Variants in LRP2 observed in about 807,000 individuals in gnomAD.
LRP2 encodes the protein LDL receptor related protein 2.
A neutral mutation model predicts 531.0 loss-of-function variants in LRP2; 172 were observed. The observed-to-expected ratio is 0.32, with a 90% CI of 0.29 to 0.37. The LOEUF (loss-of-function observed/expected upper bound fraction) is 0.37, where lower values mean the gene tolerates loss of function less well. Among genes scored for constraint, LRP2 ranks in the 10% least tolerant of loss-of-function variants. LRP2 has a pLI of 1.00. For synonymous variants in LRP2, 1,992 were observed against 2,027.6 expected (o/e 0.98, Z 0.47); for missense variants, 5,167 against 5,868.3 (o/e 0.88, Z 3.90).
At chr2:169,171,082 T>C (rs1174681687) in intron 58 of LRP2, among the ~76,000 whole-genome samples, 1 of 152,084 alleles carries the variant, frequency 6.6e-6, no homozygotes, top group Non-Finnish European at 1.5e-5. Flanking sequence ...TAATTTTTTC[T>C]ATTTCGTGAA....
intron 9 of LRP2, 87 bp downstream of exon 9, chr2:169,288,939 A>G (rs1394367905): frequency 1.3e-5 from 20 of 1,599,312 alleles, no homozygotes; most frequent in Non-Finnish European, 1.6e-5. Context: ...GACTCTCCAC[A>G]AGTGCAACCT....
At chr2:169,352,522 A>G (rs1685876917) in intron 1 of LRP2, among the ~76,000 whole-genome samples, 1 of 152,190 alleles carries the variant, frequency 6.6e-6, no homozygotes, top group African/African-American at 2.4e-5. Context: ...GGGTACCTAG[A>G]TCACACGTTC....
At chr2:169,242,065 A>T (rs1008786939) in intron 24 of LRP2, among the ~76,000 whole-genome samples, 18 of 152,224 alleles carry the variant, frequency 1.2e-4, no homozygotes, top group Admixed American at 2.6e-4. Flanking sequence ...AAAATTAGTG[A>T]TTAGTAATTT....
chr2:169,324,717 G>A lies in LRP2; in HGVS notation c.80-3833C>T, dbSNP rs537322884. Among the ~76,000 whole-genome samples the A allele has an allele frequency of 2.4e-3, 359 of 152,032 alleles. 1 individual carries two copies. Among genetic ancestry groups the A allele is most frequent in the African/African-American group, 8.3e-3 (344 of 41,484 alleles). ...AAGTGTTGGACTAAGAATGTGTTAA[G>A]ATAAGATATTAGAGTAACAGATAGC... On this transcript the variant is annotated intron_variant, in intron 1 of 78. Coordinates refer to ENST00000649046, the MANE Select transcript of LRP2 (RefSeq NM_004525.3).
intron 72 of LRP2, 81 bp from the exon 73 acceptor site, chr2:169,139,691 G>C (rs1685651026): frequency 4.1e-6 from 5 of 1,210,318 alleles, no homozygotes; most frequent in South Asian, 3.6e-5. Context: ...TCCTGAAGTA[G>C]AGAGAGCTTT....
intron 10 of LRP2, 23 bp from the exon 11 acceptor site, chr2:169,280,542 T>A (rs1248929148): frequency 1.2e-6 from 2 of 1,611,554 alleles, no homozygotes; most frequent in East Asian, 4.5e-5. Context: ...AAGGAAGGCA[T>A]CACCACTCCT....
intron 3 of LRP2, among the ~76,000 whole-genome samples, chr2:169,308,115 G>A (rs1684476979): frequency 6.6e-6 from 1 of 152,046 alleles, no homozygotes; most frequent in African/African-American, 2.4e-5. Flanking sequence ...TACATACAAA[G>A]AGCTTTGGGG....
intron 48 of LRP2, among the ~76,000 whole-genome samples, chr2:169,190,652 C>G (rs528235748): frequency 1.3e-5 from 2 of 152,280 alleles, no homozygotes; most frequent in East Asian, 3.9e-4. Flanking sequence ...ATTCCTGATG[C>G]TCTCAATGTG....
chr2:169,192,591 T>C (rs78710151), intron 47 of LRP2, among the ~76,000 whole-genome samples: 70 of 152,220 alleles, frequency 4.6e-4, no homozygotes, highest in African/African-American at 1.7e-3. Context: ...CCAAGCAATA[T>C]TGGGGTGGAG....
Position 169,279,273 on chromosome 2 carries a change from T to C in LRP2, c.1565+99A>G, listed in dbSNP as rs1280171336. 7 of 898,524 alleles carry C rather than the reference T, an allele frequency of 7.8e-6. No individual in the cohort carries two copies. The East Asian group carries it at 1.5e-4, about 19-fold the overall frequency. 55.7% of individuals were successfully genotyped at this position (898,524 alleles called of 1,614,324 possible). On this transcript the variant is annotated intron_variant, in intron 12 of 78. Transcript: ENST00000649046. ...TCTAGAGTATACAGCCTAAAAGAAATCAGAATGAGCCTTTGATTAATCCAG... is the reference window on the plus strand; with the variant it reads ...TCTAGAGTATACAGCCTAAAAGAAACCAGAATGAGCCTTTGATTAATCCAG...
rs771962414 is a variant in LRP2, at chr2:169,206,413, G to A, written c.7307C>T (p.Thr2436Ile). The change falls in exon 39 of 79, where the codon ACA becomes ATA. Residue 2436 changes from threonine to isoleucine, a missense_variant. By Grantham distance (89) the Thr-to-Ile change is moderately conservative. This residue lies in a region of LRP2 where 2,811 missense variants were observed against 3,058.0 expected (regional missense o/e 0.92). Transcript: ENST00000649046. ...YDSVSDRIYF[T>I]QNLASGVGQI... The stretch of plus-strand genomic sequence containing the variant: ...TCCAACTCCAGAGGCTAAATTTTGT[G>A]TGAAGTAGATTCTATCACTTACACT... 38 of 1,614,022 alleles carry A rather than the reference G, an allele frequency of 2.4e-5. No individual in the cohort carries two copies. The highest frequency in any genetic ancestry group is 3.1e-5 in the Non-Finnish European group (36 of 1,180,012).
intron 42 of LRP2, 143 bp from the exon 43 acceptor site, chr2:169,203,102 A>T: frequency 1.4e-6 from 1 of 719,512 alleles, no homozygotes. Flanking sequence ...TAACCTTTTA[A>T]CTATATTCTG....
chr2:169,276,567 T>C (rs1456097996), intron 13 of LRP2, among the ~76,000 whole-genome samples: 1 of 152,162 alleles, frequency 6.6e-6, no homozygotes, highest in Non-Finnish European at 1.5e-5. Flanking sequence ...GAAGTCACCA[T>C]ATTAATACAC....
chr2:169,157,636 G>A, intron 63 of LRP2, 134 bp from the exon 64 acceptor site: 4 of 936,896 alleles, frequency 4.3e-6, no homozygotes, highest in Non-Finnish European at 6.7e-6. Flanking sequence ...GCCTTGGAGA[G>A]GACAGAGGGC....
intron 29 of LRP2, among the ~76,000 whole-genome samples, chr2:169,234,872 T>G (rs1168963896): frequency 6.6e-6 from 1 of 152,124 alleles, no homozygotes. Context: ...AAATGTTATG[T>G]GAAGAACAAG....
At chr2:169,204,431 G>A (rs1056862148) in intron 41 of LRP2, among the ~76,000 whole-genome samples, 160 bp from the exon 42 acceptor site, 4 of 152,142 alleles carry the variant, frequency 2.6e-5, no homozygotes, top group Non-Finnish European at 5.9e-5. Context: ...CTGGTGATGG[G>A]AGGTCTTGTT....
chr2:169,340,756 T>C (rs942749626), intron 1 of LRP2, among the ~76,000 whole-genome samples: 7 of 152,118 alleles, frequency 4.6e-5, no homozygotes, highest in Admixed American at 3.3e-4. Context: ...GAATTAAATG[T>C]TTGTCTTGTT....
intron 15 of LRP2, among the ~76,000 whole-genome samples, chr2:169,271,948 T>C (rs114566636): frequency 0.018 from 2,732 of 151,882 alleles, 82 homozygotes; most frequent in African/African-American, 0.06. Flanking sequence ...ATGAAGGAGG[T>C]ATGCCCAAGA....
intron 13 of LRP2, among the ~76,000 whole-genome samples, chr2:169,276,390 CT>C (rs1010518589): frequency 1.3e-5 from 2 of 151,950 alleles, no homozygotes; most frequent in African/African-American, 2.4e-5. Context: ...TTATGCTTTA[CT>C]TTTTTTTACT....
Sources: allele counts gnomAD v4.1 joint callset (sites outside exome capture counted in the v4.1 genomes callset), GRCh38; gene constraint gnomAD v4.1.1; regional missense constraint gnomAD v4.1.1; transcripts MANE v1.5; gene names NCBI Gene and HGNC (gene_info 2026-07-23, HGNC 2026-07-21).